PPP1R9A: variants seen among roughly 807,000 people sequenced by gnomAD.
PPP1R9A encodes neurabin-1.
In PPP1R9A, 59 loss-of-function variants were observed where a neutral mutation model predicts 141.9. The ratio of observed to expected loss-of-function variants is 0.42; its 90% confidence interval spans 0.34 to 0.52. The LOEUF (loss-of-function observed/expected upper bound fraction) is 0.52, where lower values mean the gene tolerates loss of function less well. PPP1R9A is among the 20% of genes least tolerant of loss of function. The pLI is 0.10. For missense variants in PPP1R9A, 1,444 were observed against 1,611.9 expected, an observed-to-expected ratio of 0.90 and a Z score of 1.78; for synonymous variants, 500 against 569.7, an observed-to-expected ratio of 0.88 and a Z score of 1.74.
chr7:95,091,721 C>T (rs1205519838), intron 2 of PPP1R9A, among the ~76,000 whole-genome samples: 1 of 151,738 alleles, frequency 6.6e-6, no homozygotes, highest in African/African-American at 2.4e-5. Context: ...TGAATCTCTA[C>T]CCCCTTCAAT....
intron 2 of PPP1R9A, among the ~76,000 whole-genome samples, chr7:95,092,474 C>G (rs912548482): frequency 1.3e-5 from 2 of 151,792 alleles, no homozygotes; most frequent in African/African-American, 2.4e-5. Context: ...GTGGACCAGA[C>G]AGTGAAAAAG....
chr7:95,118,787 A>G (rs960457099), intron 3 of PPP1R9A, among the ~76,000 whole-genome samples: 3 of 147,218 alleles, frequency 2.0e-5, no homozygotes, highest in Non-Finnish European at 4.5e-5. Context: ...CCTGGGCAAC[A>G]TGGTGAAACC....
chr7:95,008,843 C>T (rs572567673), intron 2 of PPP1R9A, among the ~76,000 whole-genome samples: 2 of 152,148 alleles, frequency 1.3e-5, no homozygotes, highest in South Asian at 2.1e-4. Context: ...TATAAAGACA[C>T]ATGCACACGT....
chr7:95,129,687 A>C (rs1824227182), intron 4 of PPP1R9A, among the ~76,000 whole-genome samples: 1 of 152,178 alleles, frequency 6.6e-6, no homozygotes, highest in Non-Finnish European at 1.5e-5. Flanking sequence ...CTTTGACCAA[A>C]ATGCTGATAG....
intron 2 of PPP1R9A, among the ~76,000 whole-genome samples, chr7:95,105,163 G>C (rs1444484526): frequency 6.6e-6 from 1 of 152,192 alleles, no homozygotes; most frequent in Non-Finnish European, 1.5e-5. Flanking sequence ...ATTGATTAAA[G>C]AAAATGTGTC....
At chr7:95,076,043 T>A (rs1162897412) in intron 2 of PPP1R9A, among the ~76,000 whole-genome samples, 1 of 152,150 alleles carries the variant, frequency 6.6e-6, no homozygotes, top group Non-Finnish European at 1.5e-5. Context: ...ATGTCATCTT[T>A]ACGAAAGGAA....
intron 2 of PPP1R9A, among the ~76,000 whole-genome samples, chr7:95,014,897 G>T (rs1278420516): frequency 6.6e-6 from 1 of 151,860 alleles, no homozygotes; most frequent in African/African-American, 2.4e-5. Flanking sequence ...CATTACTGTG[G>T]TTTAGTGTTT....
chr7:95,066,583 A>G (rs1007868714), intron 2 of PPP1R9A, among the ~76,000 whole-genome samples: 2 of 152,226 alleles, frequency 1.3e-5, no homozygotes, highest in Non-Finnish European at 2.9e-5. Context: ...TTCAGAGGAC[A>G]AAAGGACATT....
At chr7:95,274,607 G>C (rs544530754) in intron 16 of PPP1R9A, among the ~76,000 whole-genome samples, 1 of 152,292 alleles carries the variant, frequency 6.6e-6, no homozygotes, top group South Asian at 2.1e-4. Context: ...GTATGTAGGA[G>C]TGACCACCAT....
At chr7:95,070,496 T>G (rs1319304585) in intron 2 of PPP1R9A, among the ~76,000 whole-genome samples, 1 of 151,432 alleles carries the variant, frequency 6.6e-6, no homozygotes. Flanking sequence ...AATAAACAGC[T>G]TTTTTTGTTT....
chr7:95,112,006 G>T (rs1820657698), intron 3 of PPP1R9A, among the ~76,000 whole-genome samples: 1 of 151,490 alleles, frequency 6.6e-6, no homozygotes, highest in South Asian at 2.1e-4. Context: ...CTGTCACTCA[G>T]TGAACAGAGA....
At chr7:95,098,460 A>G (rs1402618049) in intron 2 of PPP1R9A, 1 of 151,748 alleles carries the variant, frequency 6.6e-6, no homozygotes, top group Non-Finnish European at 1.5e-5. Flanking sequence ...TTTTTTATGT[A>G]AGGAGTAGGA....
At chr7:95,280,650 A>G (rs1804033383) in intron 16 of PPP1R9A, among the ~76,000 whole-genome samples, 1 of 152,156 alleles carries the variant, frequency 6.6e-6, no homozygotes, top group African/African-American at 2.4e-5. Context: ...TCTTTTTTCC[A>G]AAAATGATAG....
At chr7:94,911,636 A>G in intron 2 of PPP1R9A, 128 bp downstream of exon 2, 7 of 682,468 alleles carry the variant, frequency 1.0e-5, no homozygotes, top group Non-Finnish European at 1.7e-5. Flanking sequence ...TACCTTTAAA[A>G]TCACCTGTTG....
At chr7:95,177,286 A>G (rs111992255) in intron 5 of PPP1R9A, among the ~76,000 whole-genome samples, 6,484 of 152,210 alleles carry the variant, frequency 0.043, 489 homozygotes, top group African/African-American at 0.15. Flanking sequence ...AATATGAAGG[A>G]AAGATACAGT....
chr7:95,017,697 T>G (rs1015792984), intron 2 of PPP1R9A, among the ~76,000 whole-genome samples: 1 of 152,200 alleles, frequency 6.6e-6, no homozygotes, highest in Non-Finnish European at 1.5e-5. Context: ...CCTACCTGAT[T>G]TGAAGAACTA....
Position 94,924,985 on chromosome 7 carries a change from C to A in PPP1R9A, c.1395+13477C>A, listed in dbSNP as rs75916528. On this transcript the variant is annotated intron_variant, in intron 2 of 19. Transcript: ENST00000433360. ...TGATATGAAATATTTCTGAAGGTAT[C>A]CTTTTTCCATATCCTATATTTAACT... 7.2e-4 allele frequency among the ~76,000 whole-genome samples: 109 copies of A among 152,250 alleles called. 3 individuals are homozygous for A. The East Asian group carries it at 0.019, about 26-fold the overall frequency.
At chr7:94,986,497 T>A (rs1800852248) in intron 2 of PPP1R9A, among the ~76,000 whole-genome samples, 1 of 152,108 alleles carries the variant, frequency 6.6e-6, no homozygotes, top group African/African-American at 2.4e-5. Context: ...AGAGGTTGGT[T>A]AACAGATACA....
intron 2 of PPP1R9A, among the ~76,000 whole-genome samples, chr7:95,072,840 A>G (rs1384778176): frequency 1.9e-5 from 1 of 52,998 alleles, no homozygotes; most frequent in Non-Finnish European, 3.0e-5. Context: ...TATAATAATT[A>G]TTATATATAA....
Sources: allele counts gnomAD v4.1 joint callset (sites outside exome capture counted in the v4.1 genomes callset), GRCh38; gene constraint gnomAD v4.1.1; transcripts MANE v1.5; gene names NCBI Gene and HGNC (gene_info 2026-07-23, HGNC 2026-07-21).